Variants in MVK observed in about 807,000 individuals in gnomAD.
MVK encodes the protein LH receptor mRNA-binding protein.
Under a neutral mutation model 43.2 loss-of-function variants are expected in MVK, and 34 were observed. The ratio of observed to expected loss-of-function variants is 0.79; its 90% confidence interval spans 0.60 to 1.05. The LOEUF (loss-of-function observed/expected upper bound fraction) is 1.05. Among genes scored for constraint, MVK ranks in the 50% least tolerant of loss-of-function variants. MVK has a pLI of 0.00. For synonymous variants in MVK, 190 were observed against 219.8 expected (o/e 0.86, Z 1.20); for missense variants, 395 against 504.0 (o/e 0.78, Z 2.07).
intron 7 of MVK, chr12:109,590,434 C>T (rs1271686524): frequency 1.7e-4 from 66 of 388,682 alleles, no homozygotes; most frequent in South Asian, 5.4e-4. Context: ...TCAGTGTCCA[C>T]GTCATGCCAG....
intron 3 of MVK, chr12:109,579,143 T>TA: frequency 2.9e-6 from 1 of 350,238 alleles, no homozygotes; most frequent in East Asian, 8.1e-5. Context: ...TACAATTTTT[T>TA]TTTTTTTTTT....
chr12:109,579,694 C>T (rs1885126734), intron 3 of MVK, 108 bp from the exon 4 acceptor site: 1 of 1,448,706 alleles, frequency 6.9e-7, no homozygotes, highest in Non-Finnish European at 9.6e-7. Flanking sequence ...AATTCGTGTC[C>T]ATCCATGTTC....
chr12:109,573,402 G>A (rs150895111), upstream of MVK: 24 of 1,611,132 alleles, frequency 1.5e-5, no homozygotes, highest in African/African-American at 2.5e-4. Context: ...GGATACAGGA[G>A]CCTGGCGGCG....
intron 7 of MVK, 128 bp downstream of exon 7, chr12:109,586,927 C>T: frequency 9.0e-7 from 1 of 1,106,702 alleles, no homozygotes. Flanking sequence ...CAATGTGGCC[C>T]TCACAGTGCA....
chr12:109,594,498 T>C (rs994140369), intron 9 of MVK, among the ~76,000 whole-genome samples: 1 of 152,206 alleles, frequency 6.6e-6, no homozygotes, highest in Non-Finnish European at 1.5e-5. Context: ...AACCAGACTT[T>C]TGTAGAAAGG....
intron 7 of MVK, chr12:109,589,367 G>A (rs929028639): frequency 4.6e-5 from 7 of 152,296 alleles, no homozygotes; most frequent in African/African-American, 1.2e-4. Flanking sequence ...AGCAGATGGC[G>A]GCTTCACAGA....
rs183857990 is a variant in MVK at position 109,587,228 on chromosome 12, C to T, written c.677+429C>T. 223 of 253,470 alleles carry T rather than the reference C, an allele frequency of 8.8e-4. 2 individuals are homozygous for T. The highest frequency in any genetic ancestry group is 4.7e-3 in the African/African-American group (216 of 45,784). The allele number at this position is 253,470 out of a possible 1,614,324, so 15.7% of individuals were successfully genotyped here. ...TGGGGCCAGACACACACAAAAGCCG[C>T]CACAGGACAATGTGAGAGTCACCAT... On this transcript the variant is annotated intron_variant, in intron 7 of 10. Transcript: ENST00000228510.
intron 1 of MVK, 93 bp from the exon 2 acceptor site, chr12:109,574,715 AT>A: frequency 9.2e-7 from 1 of 1,090,836 alleles, no homozygotes; most frequent in Non-Finnish European, 1.4e-6. Context: ...CTTTTTTGTT[AT>A]TATGATGGGC....
At chr12:109,576,530 CAT>C (rs774803461) in intron 3 of MVK, among the ~76,000 whole-genome samples, 6 of 152,084 alleles carry the variant, frequency 3.9e-5, no homozygotes, top group East Asian at 3.9e-4. Context: ...CAAAGTGACA[CAT>C]GTTTTAAATA....
chr12:109,586,504 G>C (rs544166166), intron 6 of MVK, among the ~76,000 whole-genome samples: 1 of 152,200 alleles, frequency 6.6e-6, no homozygotes, highest in Non-Finnish European at 1.5e-5. Context: ...CATGTGGCTT[G>C]TCGGGGGAAG....
At chr12:109,579,076 G>A (rs906110725) in intron 3 of MVK, 6 of 322,474 alleles carry the variant, frequency 1.9e-5, no homozygotes, top group South Asian at 7.1e-5. Flanking sequence ...GCCCTTGTGC[G>A]ATTGAGCCAG....
At chr12:109,592,689 C>G (rs1885736060) in intron 9 of MVK, among the ~76,000 whole-genome samples, 1 of 152,244 alleles carries the variant, frequency 6.6e-6, no homozygotes, top group South Asian at 2.1e-4. Context: ...AGACTTCCCC[C>G]AAGGTTATCC....
upstream of MVK, chr12:109,573,393 G>A (rs550461600): frequency 1.6e-5 from 26 of 1,612,352 alleles, no homozygotes; most frequent in South Asian, 2.4e-4. Flanking sequence ...TGGAAACGGG[G>A]ATACAGGAGC....
In MVK at chr12:109,591,092, A is replaced by G. The variant is rs983436752; in HGVS notation, c.769-149A>G. 8.5e-6 allele frequency: 8 copies of G among 941,978 alleles called. No individual in the cohort carries two copies. The African/African-American group carries it at 1.1e-4, about 13-fold the overall frequency. 58.4% of individuals were successfully genotyped at this position (941,978 alleles called of 1,614,324 possible). A position where few individuals can be genotyped will look rare whatever the true frequency, so the allele number is the denominator to read the frequency against. ...ACACTGACTTTGCAGCTGGGAAGGC[A>G]AAAAAACAGGCTCAGAAGAGAGGTG... On this transcript the variant is annotated intron_variant, in intron 8 of 10. Coordinates refer to ENST00000228510, the MANE Select transcript of MVK (RefSeq NM_000431.4).
upstream of MVK, chr12:109,573,591 C>T (rs750309946): frequency 2.3e-6 from 3 of 1,304,568 alleles, no homozygotes; most frequent in Non-Finnish European, 3.2e-6. Context: ...TTTATTGGTT[C>T]GCAGTTCTCA....
intron 3 of MVK, chr12:109,579,265 G>A: frequency 2.4e-6 from 1 of 423,914 alleles, no homozygotes; most frequent in Non-Finnish European, 4.7e-6. Context: ...TCAGCCTTCT[G>A]AGTAGCTGGG....
At chr12:109,573,703 A>C, upstream of MVK, 3 of 621,412 alleles carry the variant, frequency 4.8e-6, no homozygotes, top group East Asian at 2.8e-5. Context: ...CTATTGACCA[A>C]TGTTCAAGCC....
rs548791573 is a variant in MVK at position 109,588,028 on chromosome 12, T to G, written c.677+1229T>G. On this transcript the variant is annotated intron_variant, in intron 7 of 10. Transcript: ENST00000228510. ...GACCTTTGCACTCCGCAGAAGCCAG[T>G]AGGAGCGTGGAACAGCTTCCTCGGG... 23 of 152,344 alleles carry G rather than the reference T, an allele frequency of 1.5e-4. 2 individuals are homozygous for G. Among genetic ancestry groups the G allele is most frequent in the African/African-American group, 5.1e-4 (21 of 41,570 alleles). The allele number at this position is 152,344 out of a possible 1,614,324, so 9.4% of individuals were successfully genotyped here.
At chr12:109,574,784 T>A in intron 1 of MVK, 25 bp from the exon 2 acceptor site, 1 of 1,547,694 alleles carries the variant, frequency 6.5e-7, no homozygotes, top group African/African-American at 1.4e-5. Context: ...AGATCTTTGC[T>A]CTTCTCATTG....
Sources: allele counts gnomAD v4.1 joint callset (sites outside exome capture counted in the v4.1 genomes callset), GRCh38; gene constraint gnomAD v4.1.1; transcripts MANE v1.5; gene names NCBI Gene and HGNC (gene_info 2026-07-23, HGNC 2026-07-21).